The following ALS2 variants were observed in gnomAD, a reference collection of about 807,000 sequenced individuals.
The protein encoded by ALS2 is alsin Rho guanine nucleotide exchange factor ALS2.
ALS2 carries 117 observed loss-of-function variants against 203.4 expected under a neutral mutation model. That is an observed-to-expected ratio of 0.58 (90% CI 0.50 to 0.67). ALS2 has a LOEUF of 0.67. ALS2 is among the 30% of genes least tolerant of loss of function. The probability of loss-of-function intolerance (pLI) is 0.00; values close to 1 mark genes in which losing one functional copy is unlikely to be tolerated. For missense variants in ALS2, 1,715 were observed against 1,989.4 expected (o/e 0.86, Z 2.62); for synonymous variants, 718 against 725.9 (o/e 0.99, Z 0.17).
chr2:201,737,890 C>A (rs1449749340), intron 12 of ALS2, among the ~76,000 whole-genome samples: 1 of 151,874 alleles, frequency 6.6e-6, no homozygotes, highest in Non-Finnish European at 1.5e-5. Context: ...CCACTGCATT[C>A]CAGCCTGGAT....
rs1220304811 is a variant in ALS2 at position 201,701,751 on chromosome 2, T to C, written c.*100A>G. ...ACAACCTAAATAACACAAAGTCCTT[T>C]CCAATTTCAACACTGTTCTTTTTTG... On this transcript the variant is annotated 3_prime_UTR_variant, in exon 34 of 34. Transcript: ENST00000264276. The C allele has an allele frequency of 8.6e-7, 1 of 1,166,704 alleles. No individual in the cohort carries two copies. The highest frequency in any genetic ancestry group is 1.5e-5 in the African/African-American group (1 of 66,230). The allele number at this position is 1,166,704 out of a possible 1,614,324, so 72.3% of individuals were successfully genotyped here.
At chr2:201,714,813 G>C (rs910849304) in intron 25 of ALS2, among the ~76,000 whole-genome samples, 2 of 152,156 alleles carry the variant, frequency 1.3e-5, no homozygotes, top group Non-Finnish European at 2.9e-5. Context: ...TACTAATTAG[G>C]ATCAAATTCA....
Position 201,727,673 on chromosome 2 carries a change from C to T in ALS2, c.2912+32G>A, listed in dbSNP as rs181313009. 27 of 866,786 alleles carry T rather than the reference C, an allele frequency of 3.1e-5. 1 individual carries two copies. Among genetic ancestry groups the T allele is most frequent in the South Asian group, 1.3e-4 (9 of 70,538 alleles). The allele number at this position is 866,786 out of a possible 1,614,324, so 53.7% of individuals were successfully genotyped here. On this transcript the variant is annotated intron_variant, in intron 16 of 33. Transcript: ENST00000264276. ...AAGCAACCTGGGTAACAGACTTGGA[C>T]GGGGTGGGGTGGGGAGGGGGGACGC...
Position 201,741,659 on chromosome 2 carries a change from G to A in ALS2, c.2351+15C>T. 1.2e-6 allele frequency: 2 copies of A among 1,612,892 alleles called. No homozygotes were observed. The highest frequency in any genetic ancestry group is 1.7e-6 in the Non-Finnish European group (2 of 1,179,074). ...CCCTGCAGAGATTGAACATGACACG[G>A]GACTGGATACTTGCTCTGTATAACT... On this transcript the variant is annotated intron_variant, in intron 11 of 33. Coordinates refer to ENST00000264276, the MANE Select transcript of ALS2 (RefSeq NM_020919.4).
chr2:201,729,416 C>T (rs982534557), intron 13 of ALS2, among the ~76,000 whole-genome samples: 1 of 151,928 alleles, frequency 6.6e-6, no homozygotes, highest in African/African-American at 2.4e-5. Context: ...AGAGACAAAA[C>T]CTGGCAGTTA....
At chr2:201,727,619 C>T in intron 16 of ALS2, 86 bp downstream of exon 16, 1 of 1,227,104 alleles carries the variant, frequency 8.1e-7, no homozygotes, top group South Asian at 1.3e-5. Flanking sequence ...GTCTCCGAAG[C>T]CTTCCTGAGC....
intron 12 of ALS2, among the ~76,000 whole-genome samples, chr2:201,733,655 A>T (rs1161461552): frequency 6.6e-6 from 1 of 152,258 alleles, no homozygotes; most frequent in Non-Finnish European, 1.5e-5. Context: ...TGGTAGCAAT[A>T]CAAACGGTTA....
chr2:201,757,435 G>A lies in ALS2; in HGVS notation c.1438C>T (p.Arg480Ter). The change falls in exon 5 of 34, where the codon CGA becomes TGA. Residue 480 changes from arginine (R) to a stop codon, truncating the protein, a stop_gained. Coordinates refer to ENST00000264276, the MANE Select transcript of ALS2 (RefSeq NM_020919.4). LOFTEE classifies it high-confidence loss of function. ...AACAATCCAGGGAGGGAGAGTCTTC[G>A]ACTGCCTCCCTCTGTTTCTTCTTCT... The part of the protein sequence containing the change: ...IREEETEGGS[R>*]RLSLPGLLSQ... 1.2e-6 allele frequency: 2 copies of A among 1,613,912 alleles called. No individual in the cohort carries two copies. Among genetic ancestry groups the A allele is most frequent in the Non-Finnish European group, 1.7e-6 (2 of 1,179,872 alleles).
chr2:201,749,218 TAAAA>T (rs11308291), intron 8 of ALS2, among the ~76,000 whole-genome samples: 1 of 147,262 alleles, frequency 6.8e-6, no homozygotes, highest in Non-Finnish European at 1.5e-5. Flanking sequence ...CATCTAACAG[TAAAA>T]AAAAAAAAAA....
chr2:201,760,661 A>G, intron 4 of ALS2: 3 of 1,351,970 alleles, frequency 2.2e-6, no homozygotes, highest in Non-Finnish European at 2.8e-6. Flanking sequence ...GCCCAACATG[A>G]CACCTTTCAA....
chr2:201,720,828 C>T (rs1690743251), intron 23 of ALS2, among the ~76,000 whole-genome samples: 1 of 152,070 alleles, frequency 6.6e-6, no homozygotes, highest in African/African-American at 2.4e-5. Context: ...CCACAGGAGA[C>T]TCTAGCCAGT....
chr2:201,754,644 G>A lies in ALS2; in HGVS notation c.1499C>T (p.Ala500Val). Residue 500 changes from alanine to valine, a missense_variant, in exon 6 of 34, where the codon GCA becomes GTA. Around this residue, in one of 3 missense-constraint regions of ALS2, gnomAD observed 1,227 missense variants for 1,413.5 expected, o/e 0.87. Transcript: ENST00000264276. ...QVSPRLLRKA[A>V]RVKTRTVVLT... ...AACCACTGTCCTCGTTTTCACCCGT[G>A]CAGCCTTTCTTAAGAGCCTGGGGGA... 6.2e-7 allele frequency: 1 copy of A among 1,614,132 alleles called. No homozygotes were observed. The highest frequency in any genetic ancestry group is 8.5e-7 in the Non-Finnish European group (1 of 1,180,016).
intron 1 of ALS2, among the ~76,000 whole-genome samples, chr2:201,780,491 C>T (rs1394206964): frequency 6.6e-6 from 1 of 152,210 alleles, no homozygotes; most frequent in Non-Finnish European, 1.5e-5. Flanking sequence ...CAGCTCAGCG[C>T]CTAGTGTGGG....
intron 1 of ALS2, among the ~76,000 whole-genome samples, chr2:201,769,616 C>T (rs536379952): frequency 6.6e-6 from 1 of 152,268 alleles, no homozygotes; most frequent in African/African-American, 2.4e-5. Flanking sequence ...TTACAAATAT[C>T]ATGGCCCATC....
intron 23 of ALS2, among the ~76,000 whole-genome samples, chr2:201,720,469 G>A (rs6713982): frequency 0.2 from 30,292 of 149,026 alleles, 3,552 homozygotes; most frequent in East Asian, 0.39. Flanking sequence ...TTGGGAGGCC[G>A]AGGTGGGTGG....
In ALS2 at chr2:201,731,794, T is replaced by C. The variant is rs137962130; in HGVS notation, c.2580+1482A>G. On this transcript the variant is annotated intron_variant, in intron 13 of 33. Transcript: ENST00000264276. The stretch of plus-strand genomic sequence containing the variant: ...TTGATATAACATGAGAAGTGAATAA[T>C]AGAGAAAGAAAGTGTTAGCAAAACA... Among the ~76,000 whole-genome samples the C allele has an allele frequency of 3.9e-4, 59 of 152,110 alleles. 1 individual carries two copies. In the East Asian group the frequency reaches 7.7e-3, roughly 20 times the overall value.
At chr2:201,760,380 A>G (rs943760000) in intron 4 of ALS2, 31 of 987,386 alleles carry the variant, frequency 3.1e-5, no homozygotes, top group Middle Eastern at 5.2e-4. Flanking sequence ...GACCACAGCT[A>G]TAATTGAAAA....
At chr2:201,770,179 G>A (rs1296509493) in intron 1 of ALS2, among the ~76,000 whole-genome samples, 3 of 152,176 alleles carry the variant, frequency 2.0e-5, no homozygotes, top group African/African-American at 7.2e-5. Context: ...AGATCATGGA[G>A]TTACTACGCC....
chr2:201,760,042 G>A lies in ALS2; in HGVS notation c.1113+839C>T, dbSNP rs962631873. The stretch of plus-strand genomic sequence containing the variant: ...AGTTTTAATAAGATATATAAAATAG[G>A]CTGGGCATGATGGCTCATGCCTGTA... On this transcript the variant is annotated intron_variant, in intron 4 of 33. Coordinates refer to ENST00000264276, the MANE Select transcript of ALS2 (RefSeq NM_020919.4). 14 of 977,172 alleles carry A rather than the reference G, an allele frequency of 1.4e-5. No individual in the cohort carries two copies. In the African/African-American group the frequency reaches 1.9e-4, roughly 13 times the overall value. The allele number at this position is 977,172 out of a possible 1,614,324, so 60.5% of individuals were successfully genotyped here. A position where few individuals can be genotyped will look rare whatever the true frequency, so the allele number is the denominator to read the frequency against.
Sources: allele counts gnomAD v4.1 joint callset (sites outside exome capture counted in the v4.1 genomes callset), GRCh38; gene constraint gnomAD v4.1.1; regional missense constraint gnomAD v4.1.1; transcripts MANE v1.5; gene names NCBI Gene and HGNC (gene_info 2026-07-23, HGNC 2026-07-21).